ACTN1: variants seen among roughly 807,000 people sequenced by gnomAD.
ACTN1 encodes the protein alpha-actinin-1.
A neutral mutation model predicts 119.6 loss-of-function variants in ACTN1; 30 were observed. The observed-to-expected ratio is 0.25, with a 90% CI of 0.19 to 0.34. ACTN1 has a LOEUF of 0.34. ACTN1 is among the 10% of genes least tolerant of loss of function. The pLI is 1.00. For missense variants in ACTN1, 764 were observed against 1,223.4 expected (o/e 0.62, Z 5.60); for synonymous variants, 429 against 472.6 (o/e 0.91, Z 1.20).
At chr14:68,946,992 G>A (rs1386957492) in intron 1 of ACTN1, among the ~76,000 whole-genome samples, 1 of 152,226 alleles carries the variant, frequency 6.6e-6, no homozygotes, top group Non-Finnish European at 1.5e-5. Context: ...CACTTTCCAA[G>A]GGGCCATACT....
chr14:68,928,795 C>T (rs1355116453), intron 1 of ACTN1, among the ~76,000 whole-genome samples: 4 of 152,184 alleles, frequency 2.6e-5, no homozygotes, highest in Non-Finnish European at 5.9e-5. Flanking sequence ...TGCACTCCCA[C>T]CCCACATCCT....
At position 68,978,982 on chromosome 14, in the gene ACTN1, C is replaced by T. The variant is rs769681994; in HGVS notation, c.75G>A (p.Leu25=). 55 of 1,601,844 alleles carry T rather than the reference C, an allele frequency of 3.4e-5. No homozygotes were observed. Among genetic ancestry groups the T allele is most frequent in the Non-Finnish European group, 4.4e-5 (52 of 1,174,080 alleles). The part of the protein sequence containing the change: ...PEEDWDRDLL[L]DPAWEKQQRK... ...TCTGCTGCTTCTCCCAGGCCGGGTCCAGGAGCAGGTCCCGGTCCCAGTCCT... is the reference window on the plus strand; with the variant it reads ...TCTGCTGCTTCTCCCAGGCCGGGTCTAGGAGCAGGTCCCGGTCCCAGTCCT... The change falls in exon 1 of 22, where the codon CTG becomes CTA. Residue 25 remains leucine, a synonymous_variant. Coordinates refer to ENST00000394419, the MANE Select transcript of ACTN1 (RefSeq NM_001130004.2).
chr14:68,936,590 G>T, intron 1 of ACTN1: 1 of 559,004 alleles, frequency 1.8e-6, no homozygotes, highest in East Asian at 4.0e-5. Flanking sequence ...CTGCCGATTA[G>T]GCCTAATCAA....
chr14:68,922,877 T>G (rs1280695892), intron 2 of ACTN1, among the ~76,000 whole-genome samples: 1 of 152,212 alleles, frequency 6.6e-6, no homozygotes, highest in Non-Finnish European at 1.5e-5. Flanking sequence ...AGGACCACAC[T>G]TTGAGAACCT....
chr14:68,935,012 G>A (rs1456567053), intron 1 of ACTN1, among the ~76,000 whole-genome samples: 1 of 152,134 alleles, frequency 6.6e-6, no homozygotes, highest in Non-Finnish European at 1.5e-5. Context: ...AATGTGGTTG[G>A]TTGTGGGCTT....
At chr14:68,955,214 G>C (rs1211216659) in intron 1 of ACTN1, among the ~76,000 whole-genome samples, 1 of 152,212 alleles carries the variant, frequency 6.6e-6, no homozygotes, top group Non-Finnish European at 1.5e-5. Context: ...ATGAACCCCA[G>C]GTGTGGAGTC....
At chr14:68,902,192 C>T (rs2033387165) in intron 8 of ACTN1, among the ~76,000 whole-genome samples, 2 of 152,210 alleles carry the variant, frequency 1.3e-5, no homozygotes, top group Non-Finnish European at 2.9e-5. Flanking sequence ...CCCCGGCTGC[C>T]TCATGCACAC....
chr14:68,898,658 T>C (rs732963), intron 8 of ACTN1, among the ~76,000 whole-genome samples: 25,102 of 152,010 alleles, frequency 0.17, 3,238 homozygotes, highest in East Asian at 0.69. Context: ...CCCTGCCTGC[T>C]CAGCTCAAAG....
intron 8 of ACTN1, among the ~76,000 whole-genome samples, chr14:68,901,231 T>A (rs1488762612): frequency 2.0e-5 from 3 of 147,452 alleles, no homozygotes; most frequent in African/African-American, 7.7e-5. Flanking sequence ...TTTTTTTGTT[T>A]TGTTTTGTTT....
intron 1 of ACTN1, among the ~76,000 whole-genome samples, chr14:68,957,866 A>G (rs187465900): frequency 6.6e-6 from 1 of 152,320 alleles, no homozygotes; most frequent in African/African-American, 2.4e-5. Context: ...AAGAGAGGGA[A>G]GTGAGAGACG....
intron 1 of ACTN1, among the ~76,000 whole-genome samples, chr14:68,942,066 G>C (rs760351114): frequency 3.3e-5 from 5 of 152,156 alleles, no homozygotes; most frequent in Non-Finnish European, 7.3e-5. Context: ...AGGGGATGAG[G>C]CAACAAGTTC....
At chr14:68,911,855 C>A (rs1041594895) in intron 4 of ACTN1, among the ~76,000 whole-genome samples, 3 of 152,208 alleles carry the variant, frequency 2.0e-5, no homozygotes, top group South Asian at 4.1e-4. Context: ...ATTTCCCCAC[C>A]CTTTCAGATT....
At chr14:68,923,768 G>T (rs1177127839) in intron 2 of ACTN1, among the ~76,000 whole-genome samples, 1 of 152,120 alleles carries the variant, frequency 6.6e-6, no homozygotes, top group Non-Finnish European at 1.5e-5. Context: ...TACAAAAAAA[G>T]AACTGAAAGA....
chr14:68,951,992 G>A (rs932762870), intron 1 of ACTN1, among the ~76,000 whole-genome samples: 5 of 152,168 alleles, frequency 3.3e-5, no homozygotes, highest in Non-Finnish European at 5.9e-5. Flanking sequence ...CCCAGGGCCG[G>A]CCCTTTAAGG....
At chr14:68,969,729 G>C (rs530975859) in intron 1 of ACTN1, among the ~76,000 whole-genome samples, 2 of 152,312 alleles carry the variant, frequency 1.3e-5, no homozygotes, top group African/African-American at 4.8e-5. Context: ...GGGGTGTCGA[G>C]ACTTGACTCA....
Position 68,961,514 on chromosome 14 carries a change from GGT to G in ACTN1, c.105+17436_105+17437del, listed in dbSNP as rs142997507. ...AGGCTAGAAACGCAGTGTTCCCCTG[GGT>G]GTTCTGATGCATCTCACAGGCCGCC... On this transcript the variant is annotated intron_variant, in intron 1 of 21. Coordinates refer to ENST00000394419, the MANE Select transcript of ACTN1 (RefSeq NM_001130004.2). Among the ~76,000 whole-genome samples, 350 of 152,302 alleles carry G rather than the reference GGT, an allele frequency of 2.3e-3. 5 individuals carry two copies. In the East Asian group the frequency reaches 0.049, roughly 21 times the overall value.
intron 6 of ACTN1, among the ~76,000 whole-genome samples, chr14:68,906,624 T>C (rs2331835): frequency 1 from 152,253 of 152,254 alleles, 76,126 homozygotes; most frequent in Non-Finnish European, 1. Flanking sequence ...CCACGTGAGT[T>C]CCAGGGACCC....
chr14:68,953,029 G>A (rs2036221370), intron 1 of ACTN1, among the ~76,000 whole-genome samples: 1 of 152,100 alleles, frequency 6.6e-6, no homozygotes, highest in African/African-American at 2.4e-5. Context: ...ATCTGCCACT[G>A]GAACGCAGCC....
chr14:68,932,582 G>A (rs2035276548), intron 1 of ACTN1, among the ~76,000 whole-genome samples: 1 of 137,902 alleles, frequency 7.3e-6, no homozygotes, highest in South Asian at 2.3e-4. Flanking sequence ...ACCCAGGCTG[G>A]TCTCAAACTT....
Sources: gnomAD v4.1 joint callset for allele counts (sites outside exome capture counted in the v4.1 genomes callset) on GRCh38, gnomAD v4.1.1 for gene constraint, MANE v1.5 for transcripts, NCBI Gene and HGNC (gene_info 2026-07-23, HGNC 2026-07-21) for gene names.